Variants in ENTHD1 observed in about 807,000 individuals in gnomAD.
ENTHD1 encodes ENTH domain containing 1.
A neutral mutation model predicts 39.1 loss-of-function variants in ENTHD1; 23 were observed. That is an observed-to-expected ratio of 0.59 (90% CI 0.42 to 0.83). ENTHD1 has a LOEUF of 0.83. Ranked by LOEUF, ENTHD1 falls within the 40% of genes least tolerant of loss-of-function variation. The pLI is 0.00. For synonymous variants in ENTHD1, 230 were observed against 258.2 expected, an observed-to-expected ratio of 0.89 and a Z score of 1.05; for missense variants, 624 against 705.4, an observed-to-expected ratio of 0.88 and a Z score of 1.31.
At chr22:39,890,780 G>C (rs532393459) in intron 1 of ENTHD1, among the ~76,000 whole-genome samples, 1 of 151,996 alleles carries the variant, frequency 6.6e-6, no homozygotes, top group Non-Finnish European at 1.5e-5. Context: ...CAAGGAAAAA[G>C]GTCTAGAGAA....
rs2065976536 is a variant in ENTHD1 at position 39,845,125 on chromosome 22, G to A, written c.593-9167C>T. 2.7e-5 allele frequency among the ~76,000 whole-genome samples: 4 copies of A among 149,908 alleles called. No homozygotes were observed. In the South Asian group the frequency reaches 8.4e-4, roughly 32 times the overall value. On this transcript the variant is annotated intron_variant, in intron 3 of 6. Transcript: ENST00000325157. ...TGCAGCCTGGTGGAGAAAACAAACT[G>A]ATCTCAGATATGGCGGGAAGAGTCA...
In ENTHD1 at chr22:39,817,591, G is replaced by A. The variant is rs1028432332; in HGVS notation, c.832+3402C>T. Among the ~76,000 whole-genome samples the A allele has an allele frequency of 7.9e-5, 12 of 152,116 alleles. No homozygotes were observed. In the East Asian group the frequency reaches 1.5e-3, roughly 20 times the overall value. On this transcript the variant is annotated intron_variant, in intron 5 of 6. Transcript: ENST00000325157. ...CCAAACTGGTAATAGTTCACTCTGC[G>A]GAGGGGACTGTGTTGGGGTAAGGGA...
intron 5 of ENTHD1, among the ~76,000 whole-genome samples, chr22:39,792,953 G>T (rs993060780): frequency 6.6e-6 from 1 of 152,164 alleles, no homozygotes; most frequent in East Asian, 1.9e-4. Context: ...ATACCCAGAA[G>T]AGGGTTTGCT....
At chr22:39,832,005 A>G (rs536541541) in intron 4 of ENTHD1, among the ~76,000 whole-genome samples, 30 of 152,122 alleles carry the variant, frequency 2.0e-4, no homozygotes, top group Non-Finnish European at 4.0e-4. Flanking sequence ...GGTTCTCTAA[A>G]TGAAAAATAG....
intron 2 of ENTHD1, among the ~76,000 whole-genome samples, chr22:39,865,805 T>G (rs1357434906): frequency 6.6e-6 from 1 of 152,228 alleles, no homozygotes; most frequent in East Asian, 1.9e-4. Flanking sequence ...TTGAACTGGG[T>G]AATGCAAAAG....
chr22:39,875,811 T>G (rs1400240599), intron 2 of ENTHD1: 2 of 1,613,366 alleles, frequency 1.2e-6, no homozygotes, highest in Non-Finnish European at 1.7e-6. Context: ...GGCAAACCCC[T>G]GTTTGTACGT....
At chr22:39,807,387 T>G (rs942207946) in intron 5 of ENTHD1, among the ~76,000 whole-genome samples, 1 of 152,078 alleles carries the variant, frequency 6.6e-6, no homozygotes, top group African/African-American at 2.4e-5. Context: ...TCACTTTCAC[T>G]CTCTAAAGTG....
chr22:39,796,728 G>A (rs950445273), intron 5 of ENTHD1, among the ~76,000 whole-genome samples: 3 of 152,124 alleles, frequency 2.0e-5, no homozygotes, highest in African/African-American at 4.8e-5. Context: ...TTCCATTGTG[G>A]TCTGAAAAGA....
chr22:39,854,995 A>G (rs1000185422), intron 3 of ENTHD1, among the ~76,000 whole-genome samples: 5 of 152,186 alleles, frequency 3.3e-5, no homozygotes, highest in Admixed American at 1.3e-4. Context: ...TCTCCAGTAC[A>G]TCATCCACTT....
intron 2 of ENTHD1, among the ~76,000 whole-genome samples, chr22:39,879,462 CAAAAAAA>C (rs34372930): frequency 6.7e-4 from 11 of 16,452 alleles, no homozygotes; most frequent in African/African-American, 9.9e-4. Context: ...GACTCTGTCT[CAAAAAAA>C]AAAAAAAAAA....
intron 5 of ENTHD1, among the ~76,000 whole-genome samples, chr22:39,810,582 C>G (rs377712214): frequency 6.6e-6 from 1 of 152,340 alleles, no homozygotes; most frequent in Non-Finnish European, 1.5e-5. Flanking sequence ...ATTAATGCCA[C>G]CATCAAAGAT....
chr22:39,835,730 G>T lies in ENTHD1; in HGVS notation c.711+110C>A. 2.2e-5 allele frequency: 14 copies of T among 649,306 alleles called. 1 individual carries two copies. Among genetic ancestry groups the T allele is most frequent in the Middle Eastern group, 3.2e-4 (1 of 3,170 alleles). 40.2% of individuals were successfully genotyped at this position (649,306 alleles called of 1,614,324 possible). On this transcript the variant is annotated intron_variant, in intron 4 of 6. Coordinates refer to ENST00000325157, the MANE Select transcript of ENTHD1 (RefSeq NM_152512.4). The stretch of plus-strand genomic sequence containing the variant: ...CTACGGACACCTTGATTTTAGCCCA[G>T]TGAGCCCTGGGTCAGGCTTCTAACC...
rs58273369 is a variant in ENTHD1 at position 39,801,807 on chromosome 22, GT to G, written c.832+19185del. Among the ~76,000 whole-genome samples the G allele has an allele frequency of 4.8e-4, 71 of 148,760 alleles. 2 individuals carry two copies. The highest frequency in any genetic ancestry group is 3.7e-3 in the South Asian group (17 of 4,640). ...TGACCTACATTCAAGGTTTGTTGTGGTTTTTTTTTTAATAGTAATGAAAGGT... is the reference window on the plus strand; with the variant it reads ...TGACCTACATTCAAGGTTTGTTGTGGTTTTTTTTTAATAGTAATGAAAGGT... On this transcript the variant is annotated intron_variant, in intron 5 of 6. Transcript: ENST00000325157.
chr22:39,800,095 G>T (rs1257132369), intron 5 of ENTHD1, among the ~76,000 whole-genome samples: 1 of 152,146 alleles, frequency 6.6e-6, no homozygotes, highest in Admixed American at 6.5e-5. Flanking sequence ...GGACCACAAG[G>T]TTGAGGAGTT....
At position 39,743,868 on chromosome 22, in the gene ENTHD1, C is replaced by A. The variant is rs1267543092; in HGVS notation, c.1635G>T (p.Lys545Asn). 19 of 1,614,016 alleles carry A rather than the reference C, an allele frequency of 1.2e-5. No individual in the cohort carries two copies. Among genetic ancestry groups the A allele is most frequent in the Non-Finnish European group, 1.5e-5 (18 of 1,180,010 alleles). ...TKDFPQEPEA[K>N]NSISVLLREV... ...CCCTTAAAAGAACACTAATGGAATTCTTTGCTTCAGGTTCCTGGGGGAAGT... is the reference window on the plus strand; with the variant it reads ...CCCTTAAAAGAACACTAATGGAATTATTTGCTTCAGGTTCCTGGGGGAAGT... The change falls in exon 7 of 7, where the codon AAG (lysine) becomes AAT (asparagine). Residue 545 changes from lysine to asparagine, a missense_variant. Physicochemically the swap from Lys to Asn is moderately conservative, Grantham distance 94. Transcript: ENST00000325157.
At chr22:39,829,662 G>T (rs2065852280) in intron 4 of ENTHD1, among the ~76,000 whole-genome samples, 1 of 151,888 alleles carries the variant, frequency 6.6e-6, no homozygotes, top group South Asian at 2.1e-4. Context: ...ATGGTGGCAG[G>T]CGCCTATAGT....
rs139763818 is a variant in ENTHD1, at chr22:39,874,127, A to G, written c.350-12120T>C. 3.3e-5 allele frequency: 5 copies of G among 152,302 alleles called. No individual in the cohort carries two copies. The East Asian group carries it at 9.6e-4, about 29-fold the overall frequency. 9.4% of individuals were successfully genotyped at this position (152,302 alleles called of 1,614,324 possible). On this transcript the variant is annotated intron_variant, in intron 2 of 6. Coordinates refer to ENST00000325157, the MANE Select transcript of ENTHD1 (RefSeq NM_152512.4). Reference sequence around the variant, plus strand: ...CCAGATCTTATGAGACTTATTCACTATCATGAGAACAGCACACAAAAGACC... The same window carrying G: ...CCAGATCTTATGAGACTTATTCACTGTCATGAGAACAGCACACAAAAGACC...
chr22:39,744,423 C>A, intron 6 of ENTHD1, 140 bp from the exon 7 acceptor site: 2 of 739,490 alleles, frequency 2.7e-6, no homozygotes, highest in East Asian at 3.1e-5. Flanking sequence ...GTTAACTATT[C>A]ATAATAAGCT....
intron 2 of ENTHD1, among the ~76,000 whole-genome samples, chr22:39,863,391 G>A (rs1482973549): frequency 6.6e-6 from 1 of 152,188 alleles, no homozygotes; most frequent in Non-Finnish European, 1.5e-5. Context: ...CACAGTCAAA[G>A]ACAAGAATTC....
Sources: gnomAD v4.1 joint callset for allele counts (sites outside exome capture counted in the v4.1 genomes callset) on GRCh38, gnomAD v4.1.1 for gene constraint, MANE v1.5 for transcripts, NCBI Gene and HGNC (gene_info 2026-07-23, HGNC 2026-07-21) for gene names.